EPN2: variants seen among roughly 807,000 people sequenced by gnomAD.
EPN2 encodes epsin-2.
In EPN2, 34 loss-of-function variants were observed where a neutral mutation model predicts 61.7. The observed-to-expected ratio is 0.55, with a 90% CI of 0.42 to 0.73. The LOEUF (loss-of-function observed/expected upper bound fraction) is 0.73. Among genes scored for constraint, EPN2 ranks in the 30% least tolerant of loss-of-function variants. EPN2 has a pLI of 0.00. For missense variants in EPN2, 714 were observed against 839.2 expected, an observed-to-expected ratio of 0.85 and a Z score of 1.84; for synonymous variants, 349 against 353.6, an observed-to-expected ratio of 0.99 and a Z score of 0.15.
intron 9 of EPN2, 67 bp from the exon 10 acceptor site, chr17:19,331,786 T>C: frequency 7.2e-7 from 1 of 1,386,518 alleles, no homozygotes; most frequent in South Asian, 1.2e-5. Flanking sequence ...CCATGTTTTG[T>C]GTTAAGTACA....
Position 19,334,325 on chromosome 17 carries a change from C to T in EPN2, c.*71C>T, listed in dbSNP as rs1907302739. On this transcript the variant is annotated 3_prime_UTR_variant, in exon 11 of 11. Transcript: ENST00000314728. This position sits in a 1 kb window ranked among gnomAD's most constrained non-coding sequence, Gnocchi z 4.9. ...CGAGCAGGGACTCTCGTCTGTGGGACGGGATCCAAGAGTTTGGGGATTAGG... is the reference window on the plus strand; with the variant it reads ...CGAGCAGGGACTCTCGTCTGTGGGATGGGATCCAAGAGTTTGGGGATTAGG... 20 of 1,288,310 alleles carry T rather than the reference C, an allele frequency of 1.6e-5. No individual in the cohort carries two copies. Among genetic ancestry groups the T allele is most frequent in the South Asian group, 1.1e-4 (5 of 46,790 alleles). The allele number at this position is 1,288,310 out of a possible 1,614,324, so 79.8% of individuals were successfully genotyped here.
chr17:19,301,965 C>T (rs115452568), intron 4 of EPN2, among the ~76,000 whole-genome samples: 1,700 of 152,334 alleles, frequency 0.011, 27 homozygotes, highest in African/African-American at 0.039. Flanking sequence ...AAGCGTGGGG[C>T]ATAGGTCCTG....
intron 7 of EPN2, among the ~76,000 whole-genome samples, chr17:19,327,235 G>T (rs1373205860): frequency 1.3e-5 from 2 of 152,112 alleles, no homozygotes; most frequent in Admixed American, 1.3e-4. Context: ...CTTCAACAGA[G>T]GAATCATGAC....
intron 1 of EPN2, among the ~76,000 whole-genome samples, chr17:19,244,290 T>C (rs1243719693): frequency 6.6e-6 from 1 of 151,898 alleles, no homozygotes; most frequent in Non-Finnish European, 1.5e-5. Flanking sequence ...GAAACCCCAT[T>C]TCTACTAAAA....
At chr17:19,311,929 A>G in intron 5 of EPN2, 123 bp from the exon 6 acceptor site, 1 of 718,200 alleles carries the variant, frequency 1.4e-6, no homozygotes, top group Non-Finnish European at 2.5e-6. Context: ...TTTTACAAGT[A>G]GTTTTGAAAT....
chr17:19,272,850 C>A (rs1186404880), intron 1 of EPN2, among the ~76,000 whole-genome samples: 1 of 152,124 alleles, frequency 6.6e-6, no homozygotes, highest in African/African-American at 2.4e-5. Context: ...CCTTGCCATA[C>A]CCCTGTTTTC....
intron 4 of EPN2, among the ~76,000 whole-genome samples, chr17:19,292,626 C>G (rs1432192066): frequency 2.0e-5 from 3 of 152,218 alleles, no homozygotes; most frequent in Non-Finnish European, 2.9e-5. Context: ...ACACATCTAT[C>G]CAAGTATCAG....
At chr17:19,241,767 A>G (rs1189183178) in intron 1 of EPN2, among the ~76,000 whole-genome samples, 2 of 152,106 alleles carry the variant, frequency 1.3e-5, no homozygotes, top group African/African-American at 2.4e-5. Flanking sequence ...ATTTCCATCA[A>G]CATTTAACAT....
chr17:19,309,175 G>A (rs954778647), intron 4 of EPN2, among the ~76,000 whole-genome samples: 1 of 143,276 alleles, frequency 7.0e-6, no homozygotes, highest in East Asian at 2.0e-4. Context: ...ACGGAGTCTC[G>A]CTCTGTCACT....
intron 7 of EPN2, among the ~76,000 whole-genome samples, chr17:19,322,585 A>T (rs776061614): frequency 6.0e-4 from 14 of 23,454 alleles, no homozygotes; most frequent in Admixed American, 8.9e-4. Context: ...TACAAAAAAT[A>T]AAAAAATCAG....
intron 1 of EPN2, among the ~76,000 whole-genome samples, chr17:19,274,760 G>C (rs2045289787): frequency 6.6e-6 from 1 of 152,108 alleles, no homozygotes; most frequent in Non-Finnish European, 1.5e-5. Flanking sequence ...CCCATGATGG[G>C]GAACTCTAGA....
intron 7 of EPN2, among the ~76,000 whole-genome samples, chr17:19,322,250 T>C (rs1276750860): frequency 6.6e-6 from 1 of 152,090 alleles, no homozygotes; most frequent in Non-Finnish European, 1.5e-5. Flanking sequence ...GGACAGGCCA[T>C]GAGGAAACGA....
At chr17:19,320,259 C>A (rs1030504841) in intron 7 of EPN2, among the ~76,000 whole-genome samples, 7 of 152,198 alleles carry the variant, frequency 4.6e-5, no homozygotes, top group African/African-American at 1.7e-4. Context: ...CTGTGACCCG[C>A]ATGCTGGCTG....
chr17:19,259,495 G>A (rs1173158983), intron 1 of EPN2, among the ~76,000 whole-genome samples: 1 of 151,910 alleles, frequency 6.6e-6, no homozygotes, highest in African/African-American at 2.4e-5. Context: ...TGTATTTTTA[G>A]TAGAGACGGG....
chr17:19,311,418 T>C (rs1906132481), intron 5 of EPN2, among the ~76,000 whole-genome samples: 1 of 152,292 alleles, frequency 6.6e-6, no homozygotes, highest in South Asian at 2.1e-4. Flanking sequence ...GAATAGCTAC[T>C]GTGTAGCAGC....
chr17:19,290,445 A>G (rs1049547069), intron 4 of EPN2, among the ~76,000 whole-genome samples: 12 of 152,188 alleles, frequency 7.9e-5, no homozygotes, highest in African/African-American at 2.2e-4. Flanking sequence ...TCCTGAGTCA[A>G]GGAATGGAAA....
At chr17:19,294,497 A>T (rs1489541353) in intron 4 of EPN2, among the ~76,000 whole-genome samples, 1 of 152,268 alleles carries the variant, frequency 6.6e-6, no homozygotes, top group Non-Finnish European at 1.5e-5. Flanking sequence ...ATGGATCAAT[A>T]CAATATTTAC....
intron 4 of EPN2, among the ~76,000 whole-genome samples, chr17:19,291,431 T>G (rs2045463890): frequency 8.1e-6 from 1 of 124,024 alleles, no homozygotes; most frequent in Non-Finnish European, 1.6e-5. Context: ...CCATTCATTT[T>G]TTTTTTTTTT....
At chr17:19,247,446 A>G (rs1377363274) in intron 1 of EPN2, among the ~76,000 whole-genome samples, 1 of 152,224 alleles carries the variant, frequency 6.6e-6, no homozygotes, top group African/African-American at 2.4e-5. Flanking sequence ...AGCTATCAGG[A>G]GAAGGTAGGA....
Sources: gnomAD v4.1 joint callset for allele counts (sites outside exome capture counted in the v4.1 genomes callset) on GRCh38, gnomAD v4.1.1 for gene constraint, Gnocchi (gnomAD v3.1) non-coding constraint, MANE v1.5 for transcripts, NCBI Gene and HGNC (gene_info 2026-07-23, HGNC 2026-07-21) for gene names.